SENP7: variants seen among roughly 807,000 people sequenced by gnomAD.
SENP7 encodes sentrin-specific protease 7.
SENP7 carries 64 observed loss-of-function variants against 141.2 expected under a neutral mutation model. That is an observed-to-expected ratio of 0.45 (90% CI 0.37 to 0.56). The LOEUF (loss-of-function observed/expected upper bound fraction) is 0.56, where lower values mean the gene tolerates loss of function less well. Ranked by LOEUF, SENP7 falls within the 20% of genes least tolerant of loss-of-function variation. The pLI is 0.00. For missense variants in SENP7, 1,025 were observed against 1,212.2 expected (o/e 0.85, Z 2.29); for synonymous variants, 382 against 426.4 (o/e 0.90, Z 1.28).
intron 3 of SENP7, among the ~76,000 whole-genome samples, chr3:101,463,378 T>TACAC (rs1267735917): frequency 1.2e-5 from 1 of 84,410 alleles, no homozygotes; most frequent in Non-Finnish European, 2.2e-5. Context: ...TATATATATA[T>TACAC]ATATATATAT....
chr3:101,508,873 A>T lies in SENP7; in HGVS notation c.40+4218T>A, dbSNP rs1358407635. Among the ~76,000 whole-genome samples the T allele has an allele frequency of 2.6e-5, 4 of 152,214 alleles. No individual in the cohort carries two copies. In the East Asian group the frequency reaches 7.7e-4, roughly 29 times the overall value. On this transcript the variant is annotated intron_variant, in intron 1 of 23. Coordinates refer to ENST00000394095, the MANE Select transcript of SENP7 (RefSeq NM_020654.5). ...TCACACTTGCTATAACTAAGACTGC[A>T]AGAGTACTTAATATATATTCATCCC...
intron 17 of SENP7, among the ~76,000 whole-genome samples, chr3:101,336,843 T>C (rs1245664008): frequency 6.6e-6 from 1 of 152,138 alleles, no homozygotes; most frequent in Non-Finnish European, 1.5e-5. Context: ...ACCAAAAAAA[T>C]ACTTGGGCAA....
At chr3:101,461,795 A>C (rs2063555791) in intron 3 of SENP7, among the ~76,000 whole-genome samples, 1 of 152,242 alleles carries the variant, frequency 6.6e-6, no homozygotes, top group Non-Finnish European at 1.5e-5. Flanking sequence ...CAAATGTGAT[A>C]TATCCATACA....
At chr3:101,376,941 T>C (rs1425307657) in intron 6 of SENP7, among the ~76,000 whole-genome samples, 1 of 152,134 alleles carries the variant, frequency 6.6e-6, no homozygotes, top group Non-Finnish European at 1.5e-5. Context: ...TGAACTATCA[T>C]ATGCTAATGA....
At chr3:101,395,704 A>C (rs907779631) in intron 6 of SENP7, among the ~76,000 whole-genome samples, 1 of 152,236 alleles carries the variant, frequency 6.6e-6, no homozygotes, top group African/African-American at 2.4e-5. Flanking sequence ...TAAGGAGTTC[A>C]GTATTTGCTA....
At chr3:101,436,383 C>A (rs964675068) in intron 4 of SENP7, among the ~76,000 whole-genome samples, 6 of 152,106 alleles carry the variant, frequency 3.9e-5, no homozygotes, top group Non-Finnish European at 8.8e-5. Context: ...TTCAGCAATA[C>A]CCCACAAGCA....
chr3:101,443,384 G>A (rs538880728), intron 4 of SENP7, among the ~76,000 whole-genome samples: 23 of 151,926 alleles, frequency 1.5e-4, no homozygotes, highest in African/African-American at 5.5e-4. Context: ...CAGGTAGTGT[G>A]ATGCCTCCAG....
chr3:101,507,401 C>G (rs997175272), intron 1 of SENP7, among the ~76,000 whole-genome samples: 6 of 152,186 alleles, frequency 3.9e-5, no homozygotes, highest in Admixed American at 1.3e-4. Flanking sequence ...ATCCCTATAG[C>G]CTATCACCTT....
intron 1 of SENP7, among the ~76,000 whole-genome samples, chr3:101,506,981 A>G (rs1485464203): frequency 6.6e-6 from 1 of 151,542 alleles, no homozygotes; most frequent in African/African-American, 2.4e-5. Context: ...GGATAGCCTG[A>G]GCCCAGGAGT....
intron 5 of SENP7, among the ~76,000 whole-genome samples, chr3:101,401,814 C>G (rs921049049): frequency 2.0e-5 from 3 of 151,880 alleles, no homozygotes; most frequent in Non-Finnish European, 4.4e-5. Context: ...GAGACCCTGT[C>G]TCTACAAAAA....
chr3:101,453,701 C>G (rs1406874612), intron 4 of SENP7, among the ~76,000 whole-genome samples: 1 of 151,838 alleles, frequency 6.6e-6, no homozygotes, highest in East Asian at 1.9e-4. Context: ...GAACATCACA[C>G]ACCGGGGCCT....
intron 3 of SENP7, among the ~76,000 whole-genome samples, chr3:101,484,115 T>C (rs776216010): frequency 6.6e-6 from 1 of 152,156 alleles, no homozygotes; most frequent in Non-Finnish European, 1.5e-5. Flanking sequence ...GGAGAAAATC[T>C]AGATGACTTT....
At chr3:101,393,477 C>A (rs1034941211) in intron 6 of SENP7, among the ~76,000 whole-genome samples, 3 of 151,994 alleles carry the variant, frequency 2.0e-5, no homozygotes, top group African/African-American at 7.2e-5. Flanking sequence ...TGTAAGGAAA[C>A]TCAAACAACT....
intron 6 of SENP7, among the ~76,000 whole-genome samples, chr3:101,394,516 ATTT>A (rs199987414): frequency 7.2e-6 from 1 of 138,508 alleles, no homozygotes; most frequent in African/African-American, 2.5e-5. Flanking sequence ...CTTTTTAAAA[ATTT>A]TTTTTTTTTT....
chr3:101,450,040 A>C (rs999829877), intron 4 of SENP7, among the ~76,000 whole-genome samples: 3 of 151,984 alleles, frequency 2.0e-5, no homozygotes, highest in African/African-American at 4.8e-5. Flanking sequence ...AATGGAAAAC[A>C]AAAAAGGCAG....
intron 15 of SENP7, among the ~76,000 whole-genome samples, chr3:101,341,203 G>A (rs2059317622): frequency 6.6e-6 from 1 of 152,132 alleles, no homozygotes; most frequent in Non-Finnish European, 1.5e-5. Context: ...TTCTTCCTTA[G>A]CACCATGAGA....
intron 4 of SENP7, among the ~76,000 whole-genome samples, chr3:101,449,859 C>T (rs187703986): frequency 3.0e-4 from 46 of 152,248 alleles, no homozygotes; most frequent in Middle Eastern, 6.8e-3. Context: ...CAAATTCACA[C>T]ATAACAATAT....
At chr3:101,456,711 C>G (rs993510629) in intron 4 of SENP7, among the ~76,000 whole-genome samples, 1 of 152,090 alleles carries the variant, frequency 6.6e-6, no homozygotes, top group African/African-American at 2.4e-5. Context: ...ATTGTTATCC[C>G]AAAGAACCTG....
chr3:101,329,074 T>G (rs2058978150), intron 20 of SENP7, among the ~76,000 whole-genome samples: 1 of 152,206 alleles, frequency 6.6e-6, no homozygotes. Context: ...ATGCAGAACC[T>G]TAATCTATAT....
Sources: allele counts gnomAD v4.1 joint callset (sites outside exome capture counted in the v4.1 genomes callset), GRCh38; gene constraint gnomAD v4.1.1; transcripts MANE v1.5; gene names NCBI Gene and HGNC (gene_info 2026-07-23, HGNC 2026-07-21).